The following ZCCHC7 variants were observed in gnomAD, a reference collection of about 807,000 sequenced individuals.
ZCCHC7 encodes zinc finger CCHC domain-containing protein 7.
Under a neutral mutation model 52.0 loss-of-function variants are expected in ZCCHC7, and 35 were observed. That is an observed-to-expected ratio of 0.67 (90% CI 0.51 to 0.89). The LOEUF (loss-of-function observed/expected upper bound fraction) is 0.89, where lower values mean the gene tolerates loss of function less well. ZCCHC7 is among the 40% of genes least tolerant of loss of function. The pLI, the probability that ZCCHC7 is intolerant of heterozygous loss-of-function variation, is 0.00. For missense variants in ZCCHC7, 574 were observed against 649.1 expected (o/e 0.88, Z 1.26); for synonymous variants, 217 against 221.5 (o/e 0.98, Z 0.18).
At chr9:37,270,804 T>TAAAA (rs146215816) in intron 2 of ZCCHC7, among the ~76,000 whole-genome samples, 16 of 146,614 alleles carry the variant, frequency 1.1e-4, no homozygotes, top group South Asian at 1.1e-3. Context: ...TTTCCAGCAA[T>TAAAA]AATAAAAAAA....
At chr9:37,288,837 A>G (rs1029359085) in intron 2 of ZCCHC7, among the ~76,000 whole-genome samples, 2 of 152,042 alleles carry the variant, frequency 1.3e-5, no homozygotes, top group Admixed American at 6.5e-5. Context: ...CTCATGTTCT[A>G]TCCTTTCTCT....
chr9:37,138,376 G>A (rs1447488303), intron 2 of ZCCHC7, among the ~76,000 whole-genome samples: 1 of 152,026 alleles, frequency 6.6e-6, no homozygotes, highest in African/African-American at 2.4e-5. Context: ...ATAACATTTT[G>A]GAATGTTGAT....
At chr9:37,319,980 C>A (rs1829986789) in intron 5 of ZCCHC7, among the ~76,000 whole-genome samples, 1 of 152,172 alleles carries the variant, frequency 6.6e-6, no homozygotes, top group Non-Finnish European at 1.5e-5. Flanking sequence ...TTTTGTTGCA[C>A]TGATGTATGT....
In ZCCHC7 at chr9:37,305,781, G is replaced by A. The variant is rs1588643233; in HGVS notation, c.951+67G>A. ...GAGTGTGCAAGTTTGTAATTAATGT[G>A]CAAGTTTATAACTATCAGTCAGCAT... On this transcript the variant is annotated intron_variant, in intron 5 of 8. Coordinates refer to ENST00000336755, the MANE Select transcript of ZCCHC7 (RefSeq NM_032226.3). The A allele has an allele frequency of 1.1e-4, 176 of 1,558,830 alleles. 3 individuals are homozygous for A. In the South Asian group the frequency reaches 1.8e-3, roughly 16 times the overall value.
At chr9:37,209,784 TTAGG>T (rs1448630542) in intron 2 of ZCCHC7, among the ~76,000 whole-genome samples, 1 of 152,060 alleles carries the variant, frequency 6.6e-6, no homozygotes, top group African/African-American at 2.4e-5. Flanking sequence ...TGTGGAGTAG[TTAGG>T]TAGGGGTGTG....
intron 2 of ZCCHC7, among the ~76,000 whole-genome samples, chr9:37,170,609 A>C (rs768339943): frequency 1.2e-4 from 18 of 152,176 alleles, no homozygotes; most frequent in Non-Finnish European, 2.1e-4. Flanking sequence ...CATCATGAAA[A>C]CATGCCAATG....
chr9:37,207,955 T>TA (rs1824012010), intron 2 of ZCCHC7, among the ~76,000 whole-genome samples: 1 of 152,212 alleles, frequency 6.6e-6, no homozygotes, highest in Admixed American at 6.5e-5. Flanking sequence ...TGAATAGTTT[T>TA]AAGTTTTTGT....
chr9:37,205,431 T>G (rs55687180), intron 2 of ZCCHC7: 15,443 of 157,326 alleles, frequency 0.098, 996 homozygotes, highest in Middle Eastern at 0.17. Flanking sequence ...TAGTATACTT[T>G]AATACACTTT....
intron 2 of ZCCHC7, among the ~76,000 whole-genome samples, chr9:37,134,371 T>C (rs951417238): frequency 2.0e-5 from 3 of 152,238 alleles, no homozygotes; most frequent in Admixed American, 1.3e-4. Context: ...TCCTGTGAAT[T>C]GGTAGTTAGA....
At chr9:37,221,720 A>G (rs1029760683) in intron 2 of ZCCHC7, among the ~76,000 whole-genome samples, 1 of 152,232 alleles carries the variant, frequency 6.6e-6, no homozygotes, top group African/African-American at 2.4e-5. Context: ...AAAGAAAAAA[A>G]TGATGGCTCT....
At chr9:37,166,706 C>T (rs1449688032) in intron 2 of ZCCHC7, among the ~76,000 whole-genome samples, 1 of 152,042 alleles carries the variant, frequency 6.6e-6, no homozygotes, top group African/African-American at 2.4e-5. Context: ...CCACTAAGTA[C>T]TTCTTTAGGG....
Position 37,126,884 on chromosome 9 carries a change from TGATAAA to T in ZCCHC7, c.556_561del (p.Lys186_Asp187del), listed in dbSNP as rs776304970. The stretch of plus-strand genomic sequence containing the variant: ...GGATGCTACTGGGATGTGAAGTAGA[TGATAAA>T]GATGATGATATCCTTCTCAACCTTG... On this transcript the variant is annotated inframe_deletion, in exon 2 of 9. Transcript: ENST00000336755. 1.2e-6 allele frequency: 2 copies of T among 1,614,152 alleles called. No individual in the cohort carries two copies. The highest frequency in any genetic ancestry group is 2.2e-5 in the East Asian group (1 of 44,878).
chr9:37,357,216 A>G lies in ZCCHC7; in HGVS notation c.1580A>G (p.Asp527Gly). Residue 527 changes from aspartate (D) to glycine (G), a missense_variant, in exon 9 of 9, where the codon GAT (aspartate) becomes GGT (glycine). Around this residue, in one of 3 missense-constraint regions of ZCCHC7, gnomAD observed 168 missense variants for 171.6 expected, o/e 0.98. Coordinates refer to ENST00000336755, the MANE Select transcript of ZCCHC7 (RefSeq NM_032226.3). ...AAGAAAAAGGAGAGGTGCTGGGAAG[A>G]TGATGACAATGATAACTTATTTCTT... ...KQKKKERCWE[D>G]DDNDNLFLIK... is the part of the protein sequence containing the mutation. 1.2e-6 allele frequency: 2 copies of G among 1,610,142 alleles called. No individual in the cohort carries two copies. Among genetic ancestry groups the G allele is most frequent in the Admixed American group, 1.7e-5 (1 of 58,990 alleles).
chr9:37,356,671 T>C (rs1259713761), intron 8 of ZCCHC7, among the ~76,000 whole-genome samples, 164 bp from the exon 9 acceptor site: 1 of 152,196 alleles, frequency 6.6e-6, no homozygotes, highest in Non-Finnish European at 1.5e-5. Flanking sequence ...TTTTTAGCAA[T>C]CAGAAACTTG....
intron 3 of ZCCHC7, among the ~76,000 whole-genome samples, chr9:37,303,425 CAA>C (rs935274337): frequency 5.9e-5 from 7 of 117,736 alleles, no homozygotes; most frequent in South Asian, 2.8e-4. Flanking sequence ...AACTCCGTCT[CAA>C]AAAAAAAAAA....
At chr9:37,147,995 T>TA (rs1399158202) in intron 2 of ZCCHC7, among the ~76,000 whole-genome samples, 2 of 152,058 alleles carry the variant, frequency 1.3e-5, no homozygotes, top group Non-Finnish European at 2.9e-5. Flanking sequence ...ATCCTGTCAG[T>TA]AATTGTTTTT....
intron 2 of ZCCHC7, among the ~76,000 whole-genome samples, chr9:37,155,976 A>G (rs1049696733): frequency 6.6e-6 from 1 of 152,244 alleles, no homozygotes; most frequent in Non-Finnish European, 1.5e-5. Context: ...CTGGTCTACC[A>G]TCCATCTGTA....
chr9:37,328,707 C>G (rs1830343277), intron 6 of ZCCHC7, among the ~76,000 whole-genome samples: 1 of 151,874 alleles, frequency 6.6e-6, no homozygotes, highest in African/African-American at 2.4e-5. Flanking sequence ...GGGCAAAGTT[C>G]TTTCAAAACA....
chr9:37,322,185 A>G (rs1830080728), intron 5 of ZCCHC7: 1 of 152,116 alleles, frequency 6.6e-6, no homozygotes, highest in Admixed American at 6.5e-5. Flanking sequence ...CTACCAAACC[A>G]GTTAGATGGT....
Sources: allele counts gnomAD v4.1 joint callset (sites outside exome capture counted in the v4.1 genomes callset), GRCh38; gene constraint gnomAD v4.1.1; regional missense constraint gnomAD v4.1.1; transcripts MANE v1.5; gene names NCBI Gene and HGNC (gene_info 2026-07-23, HGNC 2026-07-21).